AIG1: variants seen among roughly 807,000 people sequenced by gnomAD.
The protein encoded by AIG1 is androgen-induced gene 1 protein.
Under a neutral mutation model 31.4 loss-of-function variants are expected in AIG1, and 23 were observed. The ratio of observed to expected loss-of-function variants is 0.73; its 90% CI spans 0.53 to 1.04. The LOEUF is 1.04. Among genes scored for constraint, AIG1 ranks in the 50% least tolerant of loss-of-function variants. The pLI is 0.00. For synonymous variants in AIG1, 100 were observed against 110.5 expected (o/e 0.90, Z 0.60); for missense variants, 274 against 295.0 (o/e 0.93, Z 0.52).
chr6:143,226,084 G>T (rs1463256150), intron 3 of AIG1, among the ~76,000 whole-genome samples: 3 of 152,104 alleles, frequency 2.0e-5, no homozygotes. Context: ...GTGTAATGAT[G>T]ATAGAGAAAA....
intron 3 of AIG1, among the ~76,000 whole-genome samples, chr6:143,181,279 G>A (rs575040459): frequency 6.6e-6 from 1 of 152,198 alleles, no homozygotes; most frequent in East Asian, 1.9e-4. Context: ...AATTCCTTAG[G>A]AACCTCTCTC....
chr6:143,074,283 T>C (rs1777546851), intron 1 of AIG1, among the ~76,000 whole-genome samples: 1 of 152,256 alleles, frequency 6.6e-6, no homozygotes, highest in Admixed American at 6.5e-5. Context: ...CCTGAGCTTT[T>C]GGTATGATAT....
chr6:143,245,714 A>G (rs1794573313), intron 3 of AIG1, among the ~76,000 whole-genome samples: 2 of 152,330 alleles, frequency 1.3e-5, no homozygotes, highest in Middle Eastern at 3.4e-3. Flanking sequence ...AACACTGGAA[A>G]CTTGATGTTT....
chr6:143,265,623 C>CT (rs1273583144), intron 3 of AIG1, among the ~76,000 whole-genome samples: 1 of 152,186 alleles, frequency 6.6e-6, no homozygotes, highest in Non-Finnish European at 1.5e-5. Context: ...AAGGAATGTG[C>CT]TAAAGCCTTT....
At chr6:143,218,261 T>G (rs1792188256) in intron 3 of AIG1, among the ~76,000 whole-genome samples, 1 of 152,184 alleles carries the variant, frequency 6.6e-6, no homozygotes, top group African/African-American at 2.4e-5. Context: ...TTCCAAAACC[T>G]TGAACTCTGA....
In AIG1 at chr6:143,145,503, C is replaced by T. The variant is rs74969333; in HGVS notation, c.297+8513C>T. On this transcript the variant is annotated intron_variant, in intron 2 of 5. Transcript: ENST00000357847. ...GAAGAAACTCTAGGGAGCCCTCCCCCAGTGTATGTCTCTTCATCAGGTGAA... is the reference window on the plus strand; with the variant it reads ...GAAGAAACTCTAGGGAGCCCTCCCCTAGTGTATGTCTCTTCATCAGGTGAA... Among the ~76,000 whole-genome samples, 1,258 of 151,814 alleles carry T rather than the reference C, an allele frequency of 8.3e-3. 19 individuals carry two copies. The highest frequency in any genetic ancestry group is 0.026 in the African/African-American group (1,098 of 41,504).
At chr6:143,231,305 T>A (rs1793422524) in intron 3 of AIG1, among the ~76,000 whole-genome samples, 1 of 152,110 alleles carries the variant, frequency 6.6e-6, no homozygotes. Context: ...GCCGAAATAG[T>A]GGAGGAAGGA....
At chr6:143,099,387 A>G (rs1780056039) in intron 1 of AIG1, 1 of 152,234 alleles carries the variant, frequency 6.6e-6, no homozygotes, top group Non-Finnish European at 1.5e-5. Context: ...CAAGACAGGG[A>G]TTATTAAAAA....
intron 3 of AIG1, among the ~76,000 whole-genome samples, chr6:143,226,153 A>G (rs1006627484): frequency 5.3e-5 from 8 of 152,164 alleles, no homozygotes; most frequent in African/African-American, 1.9e-4. Context: ...TTGTCTTACA[A>G]AAGTGCTCAG....
intron 3 of AIG1, chr6:143,187,582 C>T: frequency 6.5e-7 from 1 of 1,536,086 alleles, no homozygotes; most frequent in Non-Finnish European, 8.7e-7. Context: ...CAACCTTCTG[C>T]AGGGAGAGAA....
chr6:143,213,701 G>A (rs151096338), intron 3 of AIG1, among the ~76,000 whole-genome samples: 2 of 145,790 alleles, frequency 1.4e-5, no homozygotes, highest in East Asian at 4.0e-4. Context: ...ATTTTTAGTA[G>A]AGACAGGGTT....
At chr6:143,322,374 G>A (rs1240223911) in intron 4 of AIG1, among the ~76,000 whole-genome samples, 2 of 152,182 alleles carry the variant, frequency 1.3e-5, no homozygotes, top group Non-Finnish European at 2.9e-5. Flanking sequence ...CCCCTCCAGA[G>A]CTAGCAGTTC....
intron 4 of AIG1, among the ~76,000 whole-genome samples, chr6:143,304,904 G>T (rs993476010): frequency 2.2e-4 from 33 of 152,246 alleles, no homozygotes; most frequent in Admixed American, 5.2e-4. Flanking sequence ...CAATTTCAGA[G>T]CCTGTTATTG....
chr6:143,132,926 T>A (rs1479719673), intron 1 of AIG1, among the ~76,000 whole-genome samples: 1 of 152,118 alleles, frequency 6.6e-6, no homozygotes, highest in East Asian at 1.9e-4. Context: ...TTTAATGTCT[T>A]ATTTCTCTCG....
chr6:143,145,374 A>G lies in AIG1; in HGVS notation c.297+8384A>G, dbSNP rs530790840. Among the ~76,000 whole-genome samples the G allele has an allele frequency of 2.4e-4, 36 of 152,344 alleles. No individual in the cohort carries two copies. The South Asian group carries it at 2.5e-3, about 11-fold the overall frequency. On this transcript the variant is annotated intron_variant, in intron 2 of 5. Coordinates refer to ENST00000357847, the MANE Select transcript of AIG1 (RefSeq NM_016108.4). ...TTTTCTATTATCCACGTCTGTCTTCAGAGTATTACCTTTTTGTACTTGGAG... is the reference window on the plus strand; with the variant it reads ...TTTTCTATTATCCACGTCTGTCTTCGGAGTATTACCTTTTTGTACTTGGAG...
chr6:143,197,843 C>G (rs1171523725), intron 3 of AIG1, among the ~76,000 whole-genome samples: 1 of 152,168 alleles, frequency 6.6e-6, no homozygotes, highest in African/African-American at 2.4e-5. Flanking sequence ...CTAACTGTTG[C>G]ATTGCTTGTC....
chr6:143,140,332 A>AT (rs34358559), intron 2 of AIG1, among the ~76,000 whole-genome samples: 1 of 151,432 alleles, frequency 6.6e-6, no homozygotes, highest in Non-Finnish European at 1.5e-5. Context: ...TTAACACAAA[A>AT]TTTTTTTTTC....
At position 143,340,546 on chromosome 6, in the gene AIG1, C is replaced by T. The variant is rs1258876461; in HGVS notation, c.*870C>T. Among the ~76,000 whole-genome samples, 2 of 152,132 alleles carry T rather than the reference C, an allele frequency of 1.3e-5. No individual in the cohort carries two copies. Among genetic ancestry groups the T allele is most frequent in the African/African-American group, 2.4e-5 (1 of 41,436 alleles). On this transcript the variant is annotated 3_prime_UTR_variant, in exon 6 of 6. Coordinates refer to ENST00000357847, the MANE Select transcript of AIG1 (RefSeq NM_016108.4). ...CGTGATCTCAGCTCACGGCAAGCTCCGCTTCCCGGGTTCATGCCATTCTCC... is the reference window on the plus strand; with the variant it reads ...CGTGATCTCAGCTCACGGCAAGCTCTGCTTCCCGGGTTCATGCCATTCTCC...
Position 143,333,998 on chromosome 6 carries a change from C to T in AIG1, c.679+553C>T. 2.7e-6 allele frequency: 4 copies of T among 1,455,648 alleles called. No individual in the cohort carries two copies. Among genetic ancestry groups the T allele is most frequent in the Non-Finnish European group, 3.8e-6 (4 of 1,064,446 alleles). The allele number at this position is 1,455,648 out of a possible 1,614,324, so 90.2% of individuals were successfully genotyped here. A position where few individuals can be genotyped will look rare whatever the true frequency, so the allele number is the denominator to read the frequency against. ...TCTGAAAGTGGCAAAGAGCTACAAG[C>T]AGTAAAAGATAATATTTCGTGGCTG... On this transcript the variant is annotated intron_variant, in intron 5 of 5. Transcript: ENST00000357847. The surrounding 1 kb of genome is among the most constrained non-coding windows in gnomAD (Gnocchi z 4.6).
Sources: allele counts gnomAD v4.1 joint callset (sites outside exome capture counted in the v4.1 genomes callset), GRCh38; gene constraint gnomAD v4.1.1; non-coding constraint Gnocchi (gnomAD v3.1); transcripts MANE v1.5; gene names NCBI Gene and HGNC (gene_info 2026-07-23, HGNC 2026-07-21).